The following ZMYM4 variants were observed in gnomAD, a reference collection of about 807,000 sequenced individuals.
ZMYM4 encodes zinc finger MYM-type protein 4.
ZMYM4 carries 31 observed loss-of-function variants against 183.2 expected under a neutral mutation model. The ratio of observed to expected loss-of-function variants is 0.17; its 90% confidence interval spans 0.13 to 0.23. ZMYM4 has a LOEUF of 0.23. ZMYM4 is among the 10% of genes least tolerant of loss of function. ZMYM4 has a pLI of 1.00. For missense variants in ZMYM4, 1,273 were observed against 1,840.3 expected, an observed-to-expected ratio of 0.69 and a Z score of 5.64; for synonymous variants, 592 against 631.2, an observed-to-expected ratio of 0.94 and a Z score of 0.93.
At chr1:35,346,653 AAAAAAAAAAAAAAAAAAG>A (rs1304658237) in intron 2 of ZMYM4, among the ~76,000 whole-genome samples, 3 of 122,502 alleles carry the variant, frequency 2.4e-5, no homozygotes, top group Non-Finnish European at 4.6e-5. Flanking sequence ...TCCATCTCAA[AAAAAAAAAAAAAAAAAAG>A]AAAAAAAAAA....
chr1:35,387,338 A>C, intron 12 of ZMYM4, 60 bp downstream of exon 12: 1 of 1,585,288 alleles, frequency 6.3e-7, no homozygotes, highest in Non-Finnish European at 8.6e-7. Flanking sequence ...TTGTAAAATT[A>C]TTTTTAACTT....
chr1:35,361,734 T>C lies in ZMYM4; in HGVS notation c.785T>C (p.Met262Thr). 6.2e-7 allele frequency: 1 copy of C among 1,613,816 alleles called. No individual in the cohort carries two copies. Among genetic ancestry groups the C allele is most frequent in the Non-Finnish European group, 8.5e-7 (1 of 1,179,820 alleles). Residue 262 changes from methionine to threonine, a missense_variant, in exon 5 of 30, where the codon ATG (methionine) becomes ACG (threonine). Coordinates refer to ENST00000314607, the MANE Select transcript of ZMYM4 (RefSeq NM_005095.3). ...TTGGATGATGAGTATGACAAAGCAA[T>C]GGCACCACAGCAGGGACTACTAGAC... ...EPLDDEYDKA[M>T]APQQGLLDKI...
At position 35,387,730 on chromosome 1, in the gene ZMYM4, C is replaced by T. The variant is rs1644608649; in HGVS notation, c.2263+126C>T. On this transcript the variant is annotated intron_variant, in intron 13 of 29. Coordinates refer to ENST00000314607, the MANE Select transcript of ZMYM4 (RefSeq NM_005095.3). ...TTTATGTATAACGTAAATGCCTTTT[C>T]GATTCATTTACACTTAGTTCATTCT... The T allele has an allele frequency of 6.3e-6, 6 of 957,220 alleles. No individual in the cohort carries two copies. In the South Asian group the frequency reaches 7.1e-5, roughly 11 times the overall value. 59.3% of individuals were successfully genotyped at this position (957,220 alleles called of 1,614,324 possible).
intron 2 of ZMYM4, among the ~76,000 whole-genome samples, chr1:35,348,256 T>C (rs1047551745): frequency 6.6e-6 from 1 of 152,230 alleles, no homozygotes; most frequent in African/African-American, 2.4e-5. Flanking sequence ...TATCACCTTT[T>C]GGTAAGCTAT....
At chr1:35,374,763 A>G (rs1057470109) in intron 7 of ZMYM4, among the ~76,000 whole-genome samples, 46 of 152,134 alleles carry the variant, frequency 3.0e-4, no homozygotes, top group Non-Finnish European at 2.4e-4. Context: ...AAGTTTTAAA[A>G]TATGCCCTCT....
At chr1:35,354,468 G>A (rs1643741495) in intron 2 of ZMYM4, among the ~76,000 whole-genome samples, 1 of 152,174 alleles carries the variant, frequency 6.6e-6, no homozygotes, top group Non-Finnish European at 1.5e-5. Context: ...TCAAACGCCT[G>A]TAATCCCAGC....
intron 26 of ZMYM4, among the ~76,000 whole-genome samples, chr1:35,409,447 G>C (rs564649801): frequency 1.4e-4 from 21 of 150,974 alleles, no homozygotes; most frequent in Middle Eastern, 3.4e-3. Context: ...GTTAATTTCT[G>C]TCTTTTTTTT....
At chr1:35,342,975 G>T (rs1251154336) in intron 2 of ZMYM4, among the ~76,000 whole-genome samples, 1 of 152,022 alleles carries the variant, frequency 6.6e-6, no homozygotes, top group Non-Finnish European at 1.5e-5. Flanking sequence ...AGAATCCTGA[G>T]CCTGGCCCAG....
At chr1:35,343,567 A>G (rs1380318622) in intron 2 of ZMYM4, among the ~76,000 whole-genome samples, 1 of 152,112 alleles carries the variant, frequency 6.6e-6, no homozygotes, top group African/African-American at 2.4e-5. Context: ...TTAGCTTTAT[A>G]TTAAATCAGA....
At chr1:35,306,629 C>G (rs1641545466) in intron 1 of ZMYM4, among the ~76,000 whole-genome samples, 1 of 152,096 alleles carries the variant, frequency 6.6e-6, no homozygotes. Context: ...TTTTCAGTGG[C>G]TTTCCAGTAA....
Position 35,315,968 on chromosome 1 carries a change from T to C in ZMYM4, c.40-9392T>C, listed in dbSNP as rs529512638. Among the ~76,000 whole-genome samples, 4 of 152,286 alleles carry C rather than the reference T, an allele frequency of 2.6e-5. No homozygotes were observed. In the South Asian group the frequency reaches 8.3e-4, roughly 32 times the overall value. On this transcript the variant is annotated intron_variant, in intron 1 of 29. Transcript: ENST00000314607. The stretch of plus-strand genomic sequence containing the variant: ...TTATTATTTTTTAAAAGTCATTTAA[T>C]TAAAAAGAAATACTTTATGTATAGA...
chr1:35,302,695 A>AT (rs981785551), intron 1 of ZMYM4, among the ~76,000 whole-genome samples: 7 of 151,582 alleles, frequency 4.6e-5, no homozygotes, highest in South Asian at 2.1e-4. Context: ...TAATTTGACT[A>AT]TTTTTTTGTA....
intron 1 of ZMYM4, among the ~76,000 whole-genome samples, chr1:35,289,507 G>A (rs1019591646): frequency 2.0e-5 from 3 of 152,118 alleles, no homozygotes; most frequent in African/African-American, 7.2e-5. Flanking sequence ...CACAGTGGTC[G>A]GGATGAAGGA....
At chr1:35,291,999 T>C (rs561381296) in intron 1 of ZMYM4, among the ~76,000 whole-genome samples, 1 of 152,296 alleles carries the variant, frequency 6.6e-6, no homozygotes, top group East Asian at 1.9e-4. Context: ...ATAGTGTTTT[T>C]ATTTGAGTCT....
chr1:35,371,608 T>C (rs1051965606), intron 7 of ZMYM4, among the ~76,000 whole-genome samples: 2 of 152,198 alleles, frequency 1.3e-5, no homozygotes, highest in Non-Finnish European at 2.9e-5. Context: ...AATGCTCTTG[T>C]TCTGAAACAC....
intron 5 of ZMYM4, among the ~76,000 whole-genome samples, chr1:35,366,740 G>C (rs1318154450): frequency 6.6e-6 from 1 of 152,116 alleles, no homozygotes; most frequent in Non-Finnish European, 1.5e-5. Context: ...GGCCAGGTGC[G>C]GTGGCTCACG....
At position 35,379,545 on chromosome 1, in the gene ZMYM4, G is replaced by A. The variant is rs377087680; in HGVS notation, c.1182-1714G>A. Among the ~76,000 whole-genome samples, 78 of 152,338 alleles carry A rather than the reference G, an allele frequency of 5.1e-4. 1 individual carries two copies. The highest frequency in any genetic ancestry group is 1.6e-3 in the African/African-American group (67 of 41,576). ...GCCGCCACGCCCGGCCAACTGTTGC[G>A]CTTTCTTATCATTCCTGTCTTCACT... On this transcript the variant is annotated intron_variant, in intron 7 of 29. Transcript: ENST00000314607.
intron 9 of ZMYM4, among the ~76,000 whole-genome samples, chr1:35,382,069 C>T (rs1644469174): frequency 6.7e-6 from 1 of 150,216 alleles, no homozygotes; most frequent in Admixed American, 6.7e-5. Context: ...TGCTTGAACT[C>T]GGGAGGTGGA....
intron 1 of ZMYM4, among the ~76,000 whole-genome samples, chr1:35,321,863 C>G (rs1369555400): frequency 3.3e-5 from 5 of 151,158 alleles, no homozygotes; most frequent in Admixed American, 2.0e-4. Flanking sequence ...CTTTTTTAAC[C>G]TAGTGATCCC....
Sources: allele counts gnomAD v4.1 joint callset (sites outside exome capture counted in the v4.1 genomes callset), GRCh38; gene constraint gnomAD v4.1.1; transcripts MANE v1.5; gene names NCBI Gene and HGNC (gene_info 2026-07-23, HGNC 2026-07-21).